The following FHIT variants were observed in gnomAD, a reference collection of about 807,000 sequenced individuals.
FHIT encodes the protein fragile histidine triad diadenosine triphosphatase.
FHIT carries 19 observed loss-of-function variants against 17.9 expected under a neutral mutation model. The observed-to-expected ratio is 1.06, with a 90% CI of 0.74 to 1.56. The LOEUF (loss-of-function observed/expected upper bound fraction) is 1.56. FHIT is among the 40% of genes most tolerant of loss of function. The pLI is 0.00. For synonymous variants in FHIT, 81 were observed against 69.7 expected (o/e 1.16, Z -0.81); for missense variants, 248 against 189.2 (o/e 1.31, Z -1.82).
intron 8 of FHIT, among the ~76,000 whole-genome samples, chr3:59,761,606 A>G (rs546548649): frequency 7.0e-6 from 1 of 142,328 alleles, no homozygotes; most frequent in Non-Finnish European, 1.5e-5. Context: ...TTAGCAATTT[A>G]TTTTATTTTT....
At chr3:60,289,536 CTATT>C (rs1272687834) in intron 5 of FHIT, among the ~76,000 whole-genome samples, 1 of 152,146 alleles carries the variant, frequency 6.6e-6, no homozygotes, top group Non-Finnish European at 1.5e-5. Flanking sequence ...TTAAAACGGG[CTATT>C]TAAGATTCCA....
intron 4 of FHIT, among the ~76,000 whole-genome samples, chr3:60,753,258 A>C (rs1368770873): frequency 2.0e-5 from 3 of 152,210 alleles, no homozygotes; most frequent in Non-Finnish European, 1.5e-5. Flanking sequence ...ATGAACTATT[A>C]AAAAAATAAA....
At chr3:60,372,756 T>C (rs1162721806) in intron 5 of FHIT, among the ~76,000 whole-genome samples, 1 of 152,238 alleles carries the variant, frequency 6.6e-6, no homozygotes, top group Non-Finnish European at 1.5e-5. Flanking sequence ...TTCTTCCTTA[T>C]CTATGGCTCC....
chr3:61,042,839 CAA>C (rs111957952), intron 2 of FHIT, among the ~76,000 whole-genome samples: 1 of 123,586 alleles, frequency 8.1e-6, no homozygotes. Context: ...GCATCTGACT[CAA>C]AAAAAAAAAA....
intron 8 of FHIT, among the ~76,000 whole-genome samples, chr3:59,769,155 A>C (rs1430255216): frequency 6.6e-6 from 1 of 152,218 alleles, no homozygotes; most frequent in Non-Finnish European, 1.5e-5. Flanking sequence ...TGTCAATTTC[A>C]TAATTTCGGA....
At chr3:60,931,161 C>T (rs1286333832) in intron 3 of FHIT, among the ~76,000 whole-genome samples, 2 of 145,830 alleles carry the variant, frequency 1.4e-5, no homozygotes, top group African/African-American at 5.1e-5. Flanking sequence ...GGGAATTGAA[C>T]AATGAGAACA....
chr3:60,459,637 A>G (rs952426742), intron 5 of FHIT, among the ~76,000 whole-genome samples: 2 of 152,238 alleles, frequency 1.3e-5, no homozygotes, highest in African/African-American at 4.8e-5. Context: ...AGCTGATTAT[A>G]AAGACATTTT....
At chr3:61,250,201 G>A (rs918108943) in intron 1 of FHIT, among the ~76,000 whole-genome samples, 1 of 152,212 alleles carries the variant, frequency 6.6e-6, no homozygotes, top group African/African-American at 2.4e-5. Context: ...TGCCCGACGA[G>A]AAACAAGAGG....
intron 5 of FHIT, among the ~76,000 whole-genome samples, chr3:60,169,183 C>T (rs563506603): frequency 1.3e-5 from 2 of 152,290 alleles, no homozygotes; most frequent in East Asian, 1.9e-4. Context: ...CGTCAATCCA[C>T]GTTTGTTTCC....
At chr3:60,138,903 C>G (rs183747732) in intron 5 of FHIT, among the ~76,000 whole-genome samples, 28 of 152,224 alleles carry the variant, frequency 1.8e-4, no homozygotes, top group Admixed American at 8.5e-4. Context: ...GTCACCAACA[C>G]AGCCTTTGAC....
intron 4 of FHIT, among the ~76,000 whole-genome samples, chr3:60,757,409 T>A (rs1260531614): frequency 6.6e-6 from 1 of 152,180 alleles, no homozygotes; most frequent in Non-Finnish European, 1.5e-5. Flanking sequence ...TGGTTTGTGA[T>A]AAATGCTGTG....
intron 3 of FHIT, among the ~76,000 whole-genome samples, chr3:60,861,078 C>T (rs1370724409): frequency 1.1e-5 from 1 of 90,710 alleles, no homozygotes; most frequent in Non-Finnish European, 2.3e-5. Flanking sequence ...ATATGATGTA[C>T]GTCATATATA....
intron 4 of FHIT, among the ~76,000 whole-genome samples, chr3:60,628,802 T>C (rs1460765751): frequency 6.6e-6 from 1 of 152,202 alleles, no homozygotes; most frequent in Non-Finnish European, 1.5e-5. Context: ...TCAATTCCTA[T>C]GAGCTTCAGA....
intron 8 of FHIT, among the ~76,000 whole-genome samples, chr3:59,845,471 G>C (rs78904535): frequency 0.038 from 5,766 of 152,010 alleles, 131 homozygotes; most frequent in Admixed American, 0.053. Flanking sequence ...GATATGTTGT[G>C]TTTTTGTTTT....
intron 7 of FHIT, among the ~76,000 whole-genome samples, chr3:59,941,428 C>T (rs1296111952): frequency 1.3e-5 from 2 of 151,692 alleles, no homozygotes; most frequent in Admixed American, 6.6e-5. Context: ...TGATCTCTCT[C>T]TCTTTCTCTA....
chr3:61,116,360 T>G (rs1408569624), intron 2 of FHIT, among the ~76,000 whole-genome samples: 1 of 152,156 alleles, frequency 6.6e-6, no homozygotes, highest in Non-Finnish European at 1.5e-5. Context: ...GCCACAAATG[T>G]GCCTCCATTA....
chr3:60,291,322 G>T (rs1245004114), intron 5 of FHIT, among the ~76,000 whole-genome samples: 1 of 152,068 alleles, frequency 6.6e-6, no homozygotes, highest in Admixed American at 6.6e-5. Context: ...ATGAAAAACC[G>T]GTTAGGACTA....
intron 3 of FHIT, among the ~76,000 whole-genome samples, chr3:60,876,573 A>G (rs1553756573): frequency 6.6e-6 from 1 of 152,244 alleles, no homozygotes; most frequent in South Asian, 2.1e-4. Context: ...GTGTAAAGTT[A>G]TTTTAAAATA....
chr3:61,024,053 C>T (rs73104261), intron 3 of FHIT, among the ~76,000 whole-genome samples: 1,934 of 151,994 alleles, frequency 0.013, 21 homozygotes, highest in Non-Finnish European at 0.018. Context: ...TTATAAAAGC[C>T]AATCAAATTG....
Sources: allele counts gnomAD v4.1 joint callset (sites outside exome capture counted in the v4.1 genomes callset), GRCh38; gene constraint gnomAD v4.1.1; transcripts MANE v1.5; gene names NCBI Gene and HGNC (gene_info 2026-07-23, HGNC 2026-07-21).